The following CACNA1C variants were observed in gnomAD, a reference collection of about 807,000 sequenced individuals.
CACNA1C encodes voltage-dependent L-type calcium channel subunit alpha-1C.
CACNA1C carries 30 observed loss-of-function variants against 229.0 expected under a neutral mutation model. The observed-to-expected ratio is 0.13, with a 90% confidence interval of 0.10 to 0.18. CACNA1C has a LOEUF of 0.18. Among genes scored for constraint, CACNA1C ranks in the 10% least tolerant of loss-of-function variants. The pLI is 1.00. For missense variants in CACNA1C, 1,658 were observed against 2,845.0 expected, an observed-to-expected ratio of 0.58 and a Z score of 9.49; for synonymous variants, 1,114 against 1,132.5, an observed-to-expected ratio of 0.98 and a Z score of 0.33.
At chr12:2,121,185 C>G (rs1243568980) in intron 3 of CACNA1C, among the ~76,000 whole-genome samples, 1 of 152,236 alleles carries the variant, frequency 6.6e-6, no homozygotes, top group Non-Finnish European at 1.5e-5. Flanking sequence ...TTCTCCCCCT[C>G]CATTGCAGAG....
In CACNA1C at chr12:2,102,332, G is replaced by T. The variant is rs916568435; in HGVS notation, c.50-12892G>T. Among the ~76,000 whole-genome samples, 5 of 152,190 alleles carry T rather than the reference G, an allele frequency of 3.3e-5. No individual in the cohort carries two copies. The East Asian group carries it at 9.6e-4, about 29-fold the overall frequency. ...ATTTGAGGCCACAGTGCTGTTTCCT[G>T]CTCTCAAGGAGCTTGTGAGTTGCTG... On this transcript the variant is annotated intron_variant, in intron 1 of 46. Transcript: ENST00000399655.
intron 9 of CACNA1C, among the ~76,000 whole-genome samples, chr12:2,541,662 G>A (rs2099870763): frequency 6.6e-6 from 1 of 152,216 alleles, no homozygotes; most frequent in African/African-American, 2.4e-5. Flanking sequence ...ACAGCAGCTG[G>A]TGAGCTCTCT....
At chr12:2,373,719 C>A (rs1335350346) in intron 3 of CACNA1C, among the ~76,000 whole-genome samples, 1 of 152,150 alleles carries the variant, frequency 6.6e-6, no homozygotes, top group African/African-American at 2.4e-5. Context: ...TGAGTTTGCT[C>A]CAGCTGCCTT....
chr12:2,305,157 G>A (rs1284027307), intron 3 of CACNA1C, among the ~76,000 whole-genome samples: 2 of 152,110 alleles, frequency 1.3e-5, no homozygotes, highest in East Asian at 3.9e-4. Flanking sequence ...CACACTGCAG[G>A]GCTATTTCTT....
intron 9 of CACNA1C, among the ~76,000 whole-genome samples, chr12:2,548,898 AG>A (rs957016352): frequency 6.6e-6 from 1 of 152,150 alleles, no homozygotes; most frequent in Non-Finnish European, 1.5e-5. Flanking sequence ...TCAGCATATG[AG>A]GAGTTCTATT....
chr12:2,004,807 T>A (rs1041019646), intron 1 of CACNA1C: 3 of 216,822 alleles, frequency 1.4e-5, no homozygotes, highest in African/African-American at 7.0e-5. Flanking sequence ...TGATCAAATC[T>A]ATCACAATAA....
chr12:2,670,042 G>A (rs866652477), intron 38 of CACNA1C, among the ~76,000 whole-genome samples: 1 of 152,154 alleles, frequency 6.6e-6, no homozygotes, highest in Admixed American at 6.5e-5. Flanking sequence ...AAAGACCACC[G>A]CTGCAGAATC....
At chr12:2,437,665 G>A (rs1275315123) in intron 3 of CACNA1C, among the ~76,000 whole-genome samples, 1 of 151,988 alleles carries the variant, frequency 6.6e-6, no homozygotes, top group Non-Finnish European at 1.5e-5. Flanking sequence ...TGGAAATGGT[G>A]GTAATGGTGA....
chr12:2,035,322 T>C (rs2048941635), intron 1 of CACNA1C, among the ~76,000 whole-genome samples: 1 of 152,228 alleles, frequency 6.6e-6, no homozygotes. Context: ...TACCGGATGA[T>C]GTGCGATGTC....
intron 9 of CACNA1C, among the ~76,000 whole-genome samples, chr12:2,528,200 C>T (rs916756859): frequency 6.6e-6 from 1 of 152,138 alleles, no homozygotes; most frequent in Non-Finnish European, 1.5e-5. Context: ...ACTTCACGGC[C>T]CCACTTGATA....
chr12:2,164,450 C>A (rs1005070471), intron 3 of CACNA1C, among the ~76,000 whole-genome samples: 1 of 152,222 alleles, frequency 6.6e-6, no homozygotes, highest in African/African-American at 2.4e-5. Flanking sequence ...ACTGGATGAT[C>A]TTTAAGGTCC....
At chr12:2,514,621 T>A (rs2099792214) in intron 9 of CACNA1C, among the ~76,000 whole-genome samples, 1 of 151,966 alleles carries the variant, frequency 6.6e-6, no homozygotes, top group South Asian at 2.1e-4. Flanking sequence ...ATGCAGGAAT[T>A]TGTATGCTGG....
intron 3 of CACNA1C, among the ~76,000 whole-genome samples, chr12:2,246,829 A>G (rs2073499408): frequency 6.6e-6 from 1 of 152,140 alleles, no homozygotes; most frequent in African/African-American, 2.4e-5. Flanking sequence ...GGGTGATGTC[A>G]TGACCCATCC....
At chr12:2,000,570 A>C (rs2041958749) in intron 1 of CACNA1C, among the ~76,000 whole-genome samples, 1 of 152,200 alleles carries the variant, frequency 6.6e-6, no homozygotes, top group African/African-American at 2.4e-5. Context: ...AACTTATAAC[A>C]AGTAATTCTT....
intron 3 of CACNA1C, among the ~76,000 whole-genome samples, chr12:2,402,197 C>T (rs1436753732): frequency 6.6e-6 from 1 of 152,276 alleles, no homozygotes; most frequent in Non-Finnish European, 1.5e-5. Flanking sequence ...CCAAGCAGCA[C>T]CTGACCTTTT....
At position 2,646,113 on chromosome 12, in the gene CACNA1C, T is replaced by A. The variant is rs1369517122; in HGVS notation, c.3913-2362T>A. 6.6e-6 allele frequency among the ~76,000 whole-genome samples: 1 copy of A among 152,158 alleles called. No homozygotes were observed. The highest frequency in any genetic ancestry group is 2.4e-5 in the African/African-American group (1 of 41,430). On this transcript the variant is annotated intron_variant, in intron 30 of 46. Coordinates refer to ENST00000399655, the MANE Select transcript of CACNA1C (RefSeq NM_000719.7). The surrounding 1 kb of genome is among the most constrained non-coding windows in gnomAD (Gnocchi z 4.6). ...ATACTATCAAGATTATCTGAACAGATCCAAAGTCAAGTCTTGAAGTGAAAT... is the reference window on the plus strand; with the variant it reads ...ATACTATCAAGATTATCTGAACAGAACCAAAGTCAAGTCTTGAAGTGAAAT...
chr12:2,623,499 C>T lies in CACNA1C; in HGVS notation c.3829-10798C>T, dbSNP rs191412721. The stretch of plus-strand genomic sequence containing the variant: ...TAGTGCTGCATCCTTCAAGCTGCCT[C>T]CCGAGATCAGCCTGGCTAGAAGTGG... On this transcript the variant is annotated intron_variant, in intron 29 of 46. Coordinates refer to ENST00000399655, the MANE Select transcript of CACNA1C (RefSeq NM_000719.7). 7.9e-5 allele frequency among the ~76,000 whole-genome samples: 12 copies of T among 152,300 alleles called. No homozygotes were observed. In the East Asian group the frequency reaches 1.2e-3, roughly 15 times the overall value.
chr12:2,107,368 G>A (rs2079491050), intron 1 of CACNA1C, among the ~76,000 whole-genome samples: 1 of 48,398 alleles, frequency 2.1e-5, no homozygotes, highest in Non-Finnish European at 4.7e-5. Context: ...ACCCCGGGGA[G>A]GGTTTCCACC....
chr12:2,418,138 A>G (rs574286376), intron 3 of CACNA1C, among the ~76,000 whole-genome samples: 1 of 152,232 alleles, frequency 6.6e-6, no homozygotes, highest in African/African-American at 2.4e-5. Context: ...TCAGCTGCAT[A>G]GACAGATAGG....
Sources: gnomAD v4.1 joint callset for allele counts (sites outside exome capture counted in the v4.1 genomes callset) on GRCh38, gnomAD v4.1.1 for gene constraint, Gnocchi (gnomAD v3.1) non-coding constraint, MANE v1.5 for transcripts, NCBI Gene and HGNC (gene_info 2026-07-23, HGNC 2026-07-21) for gene names.